Variants in ARID2 observed in about 807,000 individuals in gnomAD.
The protein encoded by ARID2 is AT-rich interactive domain-containing protein 2.
A neutral mutation model predicts 184.6 loss-of-function variants in ARID2; 32 were observed. The ratio of observed to expected loss-of-function variants is 0.17; its 90% CI spans 0.13 to 0.23. The LOEUF is 0.23. Among genes scored for constraint, ARID2 ranks in the 10% least tolerant of loss-of-function variants. The probability of loss-of-function intolerance (pLI) is 1.00; values close to 1 mark genes in which losing one functional copy is unlikely to be tolerated. For missense variants in ARID2, 1,696 were observed against 2,197.6 expected (o/e 0.77, Z 4.56); for synonymous variants, 836 against 772.6 (o/e 1.08, Z -1.36).
chr12:45,747,932 G>A (rs1218448814), intron 3 of ARID2, among the ~76,000 whole-genome samples: 1 of 152,104 alleles, frequency 6.6e-6, no homozygotes, highest in Non-Finnish European at 1.5e-5. Flanking sequence ...GAGATGCTGT[G>A]GGTTTGATTC....
chr12:45,848,763 A>G (rs1397861170), intron 12 of ARID2, 73 bp from the exon 13 acceptor site: 3 of 1,320,070 alleles, frequency 2.3e-6, no homozygotes, highest in African/African-American at 1.5e-5. Flanking sequence ...TTGCCTCCAC[A>G]TGGCTTTAGT....
chr12:45,730,158 G>T (rs769749646), intron 2 of ARID2, 21 bp downstream of exon 2: 1 of 1,610,142 alleles, frequency 6.2e-7, no homozygotes, highest in South Asian at 1.1e-5. Context: ...GTTTTAATTT[G>T]TATTTCCCTC....
intron 3 of ARID2, among the ~76,000 whole-genome samples, chr12:45,771,639 C>T (rs190563189): frequency 4.8e-4 from 73 of 151,664 alleles, no homozygotes; most frequent in Middle Eastern, 3.4e-3. Flanking sequence ...TACCACTGTA[C>T]GCTAGCCTGG....
chr12:45,747,514 T>C (rs906514770), intron 3 of ARID2, among the ~76,000 whole-genome samples: 1 of 152,146 alleles, frequency 6.6e-6, no homozygotes, highest in Non-Finnish European at 1.5e-5. Flanking sequence ...TCTGATACAT[T>C]GTAGCTGAAC....
chr12:45,738,778 A>ATT (rs1941181199), intron 3 of ARID2, among the ~76,000 whole-genome samples: 1 of 50,194 alleles, frequency 2.0e-5, no homozygotes, highest in South Asian at 8.0e-4. Context: ...CATATGGGCT[A>ATT]CTTTTTTTTT....
intron 3 of ARID2, among the ~76,000 whole-genome samples, chr12:45,750,947 T>C (rs1466179597): frequency 6.6e-6 from 1 of 152,228 alleles, no homozygotes; most frequent in African/African-American, 2.4e-5. Flanking sequence ...ACCAAACTTT[T>C]ACCAGCTATG....
At chr12:45,878,321 T>C (rs1242715045) in intron 16 of ARID2, among the ~76,000 whole-genome samples, 1 of 152,200 alleles carries the variant, frequency 6.6e-6, no homozygotes, top group Non-Finnish European at 1.5e-5. Context: ...TTTTGTGTTC[T>C]TTCTCTTTTT....
chr12:45,889,207 G>A (rs1371933826), intron 16 of ARID2, among the ~76,000 whole-genome samples: 1 of 151,974 alleles, frequency 6.6e-6, no homozygotes, highest in African/African-American at 2.4e-5. Context: ...TTTGTACAAA[G>A]GTATCATATT....
chr12:45,847,081 A>T (rs1322859051), intron 12 of ARID2, 144 bp downstream of exon 12: 26 of 601,162 alleles, frequency 4.3e-5, no homozygotes, highest in Non-Finnish European at 6.9e-5. Context: ...CAAAGAAAGG[A>T]CACTTTAAAA....
chr12:45,882,323 A>T (rs1944119462), intron 16 of ARID2: 3 of 152,202 alleles, frequency 2.0e-5, no homozygotes, highest in African/African-American at 7.2e-5. Context: ...ACCATGACCC[A>T]GAAGTCCCGG....
chr12:45,853,972 C>T (rs1159950597), intron 15 of ARID2, among the ~76,000 whole-genome samples: 2 of 152,154 alleles, frequency 1.3e-5, no homozygotes, highest in African/African-American at 2.4e-5. Context: ...GGCAGGTGAG[C>T]GAGTGAAGCT....
intron 4 of ARID2, among the ~76,000 whole-genome samples, chr12:45,816,087 C>A (rs914269574): frequency 7.2e-5 from 11 of 152,038 alleles, no homozygotes; most frequent in Non-Finnish European, 1.3e-4. Context: ...TAAACTGCCC[C>A]GTTAGGATTC....
At chr12:45,759,648 C>T (rs1291293303) in intron 3 of ARID2, among the ~76,000 whole-genome samples, 1 of 152,024 alleles carries the variant, frequency 6.6e-6, no homozygotes, top group African/African-American at 2.4e-5. Context: ...TAAACACATA[C>T]CTAGGAATTA....
chr12:45,835,504 A>C (rs1943202975), intron 6 of ARID2, among the ~76,000 whole-genome samples: 1 of 152,156 alleles, frequency 6.6e-6, no homozygotes, highest in Non-Finnish European at 1.5e-5. Context: ...GATTCCAAAA[A>C]AAAAACCCAG....
rs568667017 is a variant in ARID2, at chr12:45,833,278, A to G, written c.706-3311A>G. Among the ~76,000 whole-genome samples the G allele has an allele frequency of 2.1e-4, 32 of 152,308 alleles. No individual in the cohort carries two copies. The South Asian group carries it at 6.6e-3, about 32-fold the overall frequency. ...GGGTTTATTGGGACATAACCCCATCATAAGTCAAGGAACATCTGTATTACA... is the reference window on the plus strand; with the variant it reads ...GGGTTTATTGGGACATAACCCCATCGTAAGTCAAGGAACATCTGTATTACA... On this transcript the variant is annotated intron_variant, in intron 6 of 20. Coordinates refer to ENST00000334344, the MANE Select transcript of ARID2 (RefSeq NM_152641.4).
intron 16 of ARID2, among the ~76,000 whole-genome samples, chr12:45,866,439 G>A (rs972833574): frequency 2.0e-5 from 3 of 152,010 alleles, no homozygotes; most frequent in Admixed American, 6.6e-5. Flanking sequence ...GAATAATTTC[G>A]TTTCCATAGC....
rs531475564 is a variant in ARID2, at chr12:45,738,738, T to C, written c.284+7424T>C. On this transcript the variant is annotated intron_variant, in intron 3 of 20. Coordinates refer to ENST00000334344, the MANE Select transcript of ARID2 (RefSeq NM_152641.4). ...TATAAAAGCAAGGGAAAAAATTCTTTATGCCACCCAAACTTTTTTCTTCCT... is the reference window on the plus strand; with the variant it reads ...TATAAAAGCAAGGGAAAAAATTCTTCATGCCACCCAAACTTTTTTCTTCCT... Among the ~76,000 whole-genome samples, 16 of 149,724 alleles carry C rather than the reference T, an allele frequency of 1.1e-4. No individual in the cohort carries two copies. The South Asian group carries it at 3.2e-3, about 30-fold the overall frequency.
chr12:45,749,170 C>T (rs1941414142), intron 3 of ARID2, among the ~76,000 whole-genome samples: 3 of 152,184 alleles, frequency 2.0e-5, no homozygotes, highest in Admixed American at 1.3e-4. Flanking sequence ...ACTAGAAAGT[C>T]AAAATGACTC....
At position 45,729,942 on chromosome 12, in the gene ARID2, C is replaced by CG. The variant is rs757473305; in HGVS notation, c.92+21dup. 7.9e-5 allele frequency: 127 copies of CG among 1,604,538 alleles called. No homozygotes were observed. The highest frequency in any genetic ancestry group is 5.3e-4 in the Admixed American group (31 of 58,724). ...CCACAGCAGAGGGTGAGAGCAGAAC[C>CG]GGGGGGGCAGCGCCGGGGCGAGCCG... On this transcript the variant is annotated intron_variant, in intron 1 of 20. Transcript: ENST00000334344.
Sources: gnomAD v4.1 joint callset for allele counts (sites outside exome capture counted in the v4.1 genomes callset) on GRCh38, gnomAD v4.1.1 for gene constraint, MANE v1.5 for transcripts, NCBI Gene and HGNC (gene_info 2026-07-23, HGNC 2026-07-21) for gene names.